Variants in SPRY3 observed in about 807,000 individuals in gnomAD.
The protein encoded by SPRY3 is sprouty RTK signaling antagonist 3, also known as protein sprouty homolog 3.
A neutral mutation model predicts 20.2 loss-of-function variants in SPRY3; 15 were observed. The ratio of observed to expected loss-of-function variants is 0.74; its 90% CI spans 0.50 to 1.14. The LOEUF (loss-of-function observed/expected upper bound fraction) is 1.14. Ranked by LOEUF, SPRY3 falls within the 50% of genes most tolerant of loss-of-function variation. SPRY3 has a pLI of 0.00. For missense variants in SPRY3, 364 were observed against 363.9 expected (o/e 1.00, Z 0.00); for synonymous variants, 143 against 136.5 (o/e 1.05, Z -0.33).
At chrX:155,692,172 A>AAACC (rs1569562639) in intron 2 of SPRY3, among the ~76,000 whole-genome samples, 2 of 109,257 alleles carry the variant, frequency 1.8e-5, no homozygotes, top group African/African-American at 6.9e-5. Context: ...GGAATAGTAA[A>AAACC]TGGGTACAGC....
chrX:155,776,608 T>C (rs1159959764), exon 4 of SPRY3: 3 of 167,092 alleles, frequency 1.8e-5, no homozygotes, highest in Non-Finnish European at 4.4e-5. Flanking sequence ...ATTCAGAGAT[T>C]GAGGGCACTT....
Position 155,671,919 on chromosome X carries a change from C to A in SPRY3, c.-282+14894C>A, listed in dbSNP as rs781797144. On this transcript the variant is annotated intron_variant, in intron 2 of 3. Transcript: ENST00000675360. Reference sequence around the variant, plus strand: ...TAAATAGGGAATCCTTTCCCCATTGCTTGTTTTTCTCAGGTTTGTCAAAGA... The same window carrying A: ...TAAATAGGGAATCCTTTCCCCATTGATTGTTTTTCTCAGGTTTGTCAAAGA... 3.6e-5 allele frequency among the ~76,000 whole-genome samples: 4 copies of A among 111,481 alleles called. No homozygotes were observed. In the East Asian group the frequency reaches 1.1e-3, roughly 32 times the overall value.
chrX:155,751,179 T>C, intron 2 of SPRY3, among the ~76,000 whole-genome samples: 1 of 151,620 alleles, frequency 6.6e-6, no homozygotes. Flanking sequence ...GATGCTGAAA[T>C]TGAGATTGTG....
intron 2 of SPRY3, among the ~76,000 whole-genome samples, chrX:155,715,642 G>A (rs2091016975): frequency 6.6e-6 from 1 of 152,124 alleles, no homozygotes; most frequent in Non-Finnish European, 1.5e-5. Context: ...TTCAGCACTA[G>A]AACTCGCCTA....
chrX:155,656,192 T>G (rs1247226416), intron 1 of SPRY3, among the ~76,000 whole-genome samples: 1 of 111,562 alleles, frequency 9.0e-6, no homozygotes, highest in African/African-American at 3.3e-5. Flanking sequence ...TGAAGGGTGT[T>G]TTCCAACTTG....
At chrX:155,673,043 C>T (rs1169492457) in intron 2 of SPRY3, among the ~76,000 whole-genome samples, 1 of 54,250 alleles carries the variant, frequency 1.8e-5, no homozygotes, top group East Asian at 6.8e-4. Context: ...GGAAGGGGAA[C>T]ATCACACTCT....
chrX:155,726,018 G>T (rs1236702393), intron 2 of SPRY3, among the ~76,000 whole-genome samples: 1 of 152,078 alleles, frequency 6.6e-6, no homozygotes, highest in Non-Finnish European at 1.5e-5. Context: ...GGTATGTTGT[G>T]TCTTTGATCT....
At chrX:155,715,970 A>T (rs2091019484) in intron 2 of SPRY3, among the ~76,000 whole-genome samples, 1 of 152,134 alleles carries the variant, frequency 6.6e-6, no homozygotes, top group Non-Finnish European at 1.5e-5. Context: ...ATGATTCAAG[A>T]CTGTCTCTCT....
In SPRY3 at chrX:155,752,323, T is replaced by TA. The variant is rs926405917; in HGVS notation, c.-281-15629dup. Among the ~76,000 whole-genome samples, 717 of 144,208 alleles carry TA rather than the reference T, an allele frequency of 5.0e-3. 3 individuals are homozygous for TA. Among genetic ancestry groups the TA allele is most frequent in the African/African-American group, 0.013 (523 of 39,510 alleles). 94.6% of individuals were successfully genotyped at this position (144,208 alleles called of 152,430 possible). A position where few individuals can be genotyped will look rare whatever the true frequency, so the allele number is the denominator to read the frequency against. On this transcript the variant is annotated intron_variant, in intron 2 of 3. Coordinates refer to ENST00000675360, the Ensembl canonical transcript of SPRY3. ...GAAATCATCAAAAGATAAGAAATACTAAAAAAAAAAGCACAAGGAGATAAG... is the reference window on the plus strand; with the variant it reads ...GAAATCATCAAAAGATAAGAAATACTAAAAAAAAAAAGCACAAGGAGATAAG...
chrX:155,717,033 C>T (rs1348804115), intron 2 of SPRY3, among the ~76,000 whole-genome samples: 2 of 127,582 alleles, frequency 1.6e-5, no homozygotes, highest in African/African-American at 6.0e-5. Context: ...GCAGCATGCG[C>T]CTGTATTCCC....
intron 2 of SPRY3, among the ~76,000 whole-genome samples, chrX:155,667,082 C>T (rs370665761): frequency 4.1e-4 from 45 of 111,056 alleles, no homozygotes; most frequent in Middle Eastern, 4.7e-3. Context: ...ATATTGAAGT[C>T]ATTAGTGATC....
chrX:155,774,669 C>G (rs750271338), exon 4 of SPRY3: 39 of 1,613,754 alleles, frequency 2.4e-5, no homozygotes, highest in Middle Eastern at 1.6e-4. Flanking sequence ...AGAGGCACAC[C>G]AACACTGTGT....
intron 1 of SPRY3, among the ~76,000 whole-genome samples, chrX:155,652,840 G>T (rs1485489265): frequency 9.0e-6 from 1 of 111,477 alleles, no homozygotes; most frequent in Non-Finnish European, 1.9e-5. Context: ...TTAAATTCTC[G>T]TTGATGGTTC....
At chrX:155,737,022 C>G (rs1569391607) in intron 2 of SPRY3, among the ~76,000 whole-genome samples, 1 of 151,956 alleles carries the variant, frequency 6.6e-6, no homozygotes, top group Non-Finnish European at 1.5e-5. Context: ...TTTTTTGTTT[C>G]TAGCATTTGC....
At chrX:155,700,023 TA>T (rs1398472138) in intron 2 of SPRY3, among the ~76,000 whole-genome samples, 18 of 104,434 alleles carry the variant, frequency 1.7e-4, no homozygotes, top group African/African-American at 6.3e-4. Context: ...ACCCAAAGTA[TA>T]TAAAAAACTT....
At chrX:155,717,193 G>C (rs1412386178) in intron 2 of SPRY3, among the ~76,000 whole-genome samples, 3 of 146,974 alleles carry the variant, frequency 2.0e-5, no homozygotes, top group African/African-American at 7.5e-5. Flanking sequence ...TTATTTTTTT[G>C]CTGGGCCTTC....
At chrX:155,685,001 C>T (rs181330040) in intron 2 of SPRY3, among the ~76,000 whole-genome samples, 17 of 111,662 alleles carry the variant, frequency 1.5e-4, no homozygotes, top group Admixed American at 9.5e-5. Context: ...TGTTTTTCTA[C>T]GGCTGATTTC....
chrX:155,774,439 T>C, exon 4 of SPRY3: 1 of 1,614,018 alleles, frequency 6.2e-7, no homozygotes, highest in South Asian at 1.1e-5. Flanking sequence ...TTGTCTCTGC[T>C]GTGTCAAGGG....
chrX:155,673,920 A>C (rs186321873), intron 2 of SPRY3, among the ~76,000 whole-genome samples: 4 of 111,613 alleles, frequency 3.6e-5, no homozygotes. Flanking sequence ...TCTCTAAGTC[A>C]AATTCCACAG....
Sources: gnomAD v4.1 joint callset for allele counts (sites outside exome capture counted in the v4.1 genomes callset) on GRCh38, gnomAD v4.1.1 for gene constraint, MANE v1.5 for transcripts, NCBI Gene and HGNC (gene_info 2026-07-23, HGNC 2026-07-21) for gene names.